Variants in RUNX1 observed in about 807,000 individuals in gnomAD.
RUNX1 encodes the protein runt-related transcription factor 1.
Under a neutral mutation model 42.8 loss-of-function variants are expected in RUNX1, and 19 were observed. The observed-to-expected ratio is 0.44, with a 90% confidence interval of 0.31 to 0.65. The LOEUF (loss-of-function observed/expected upper bound fraction) is 0.65. RUNX1 is among the 30% of genes least tolerant of loss of function. The pLI is 0.07. For missense variants in RUNX1, 528 were observed against 672.0 expected (o/e 0.79, Z 2.37); for synonymous variants, 271 against 289.4 (o/e 0.94, Z 0.64).
intron 2 of RUNX1, among the ~76,000 whole-genome samples, chr21:34,951,595 A>G (rs1444048405): frequency 2.7e-5 from 4 of 150,700 alleles, no homozygotes; most frequent in Middle Eastern, 3.4e-3. Context: ...TTCCCAAAAG[A>G]AATTTATGCA....
At chr21:35,007,456 G>A (rs944608728) in intron 2 of RUNX1, among the ~76,000 whole-genome samples, 19 of 152,166 alleles carry the variant, frequency 1.2e-4, no homozygotes, top group African/African-American at 4.3e-4. Flanking sequence ...CATCCCTGCA[G>A]TTAGCCCTGC....
intron 2 of RUNX1, among the ~76,000 whole-genome samples, chr21:34,949,710 G>A (rs938590484): frequency 6.6e-6 from 1 of 152,232 alleles, no homozygotes; most frequent in African/African-American, 2.4e-5. Context: ...TAAGATTGCC[G>A]TCCTGTCACA....
intron 2 of RUNX1, among the ~76,000 whole-genome samples, chr21:34,937,279 T>C (rs1163934302): frequency 7.2e-6 from 1 of 139,208 alleles, no homozygotes; most frequent in Non-Finnish European, 1.5e-5. Flanking sequence ...AAAACACAGA[T>C]GGACCTGGGA....
intron 2 of RUNX1, among the ~76,000 whole-genome samples, chr21:34,921,137 G>T (rs1266500608): frequency 6.6e-6 from 1 of 152,172 alleles, no homozygotes; most frequent in African/African-American, 2.4e-5. Flanking sequence ...GGGATTACAG[G>T]CATGAGCCAC....
At chr21:34,994,725 T>G (rs1004567801) in intron 2 of RUNX1, among the ~76,000 whole-genome samples, 1 of 152,232 alleles carries the variant, frequency 6.6e-6, no homozygotes, top group Non-Finnish European at 1.5e-5. Context: ...CTTCTTCTAC[T>G]GATGAGGACA....
At chr21:35,046,947 C>T (rs573723033) in intron 2 of RUNX1, among the ~76,000 whole-genome samples, 14 of 152,258 alleles carry the variant, frequency 9.2e-5, no homozygotes, top group East Asian at 1.9e-4. Flanking sequence ...TAGCGCAGGT[C>T]AGCTGAGTGT....
chr21:34,985,742 T>C (rs2058881109), intron 2 of RUNX1, among the ~76,000 whole-genome samples: 1 of 152,134 alleles, frequency 6.6e-6, no homozygotes, highest in South Asian at 2.1e-4. Flanking sequence ...TATTTTATTA[T>C]CCTATATTAT....
At chr21:34,994,196 A>T (rs1569142311) in intron 2 of RUNX1, among the ~76,000 whole-genome samples, 1 of 150,960 alleles carries the variant, frequency 6.6e-6, no homozygotes, top group African/African-American at 2.4e-5. Context: ...ACGGAACCAC[A>T]TTTTTTTTTA....
chr21:34,884,698 T>C (rs1034725443), intron 4 of RUNX1, among the ~76,000 whole-genome samples: 9 of 152,246 alleles, frequency 5.9e-5, no homozygotes, highest in African/African-American at 1.9e-4. Context: ...CTTCTAGTTA[T>C]GCAGTGAGCA....
chr21:35,044,599 T>C (rs1003597844), intron 2 of RUNX1, among the ~76,000 whole-genome samples: 9 of 152,222 alleles, frequency 5.9e-5, no homozygotes, highest in African/African-American at 1.9e-4. Context: ...AGGCCATCAC[T>C]GTGTCATCTG....
At chr21:34,841,729 T>C (rs1455576022) in intron 6 of RUNX1, among the ~76,000 whole-genome samples, 1 of 152,210 alleles carries the variant, frequency 6.6e-6, no homozygotes, top group Admixed American at 6.5e-5. Flanking sequence ...CCTGTGGACC[T>C]GATCCCTCCC....
At chr21:34,972,813 A>G (rs1022176628) in intron 2 of RUNX1, among the ~76,000 whole-genome samples, 5 of 151,240 alleles carry the variant, frequency 3.3e-5, no homozygotes, top group Non-Finnish European at 5.9e-5. Flanking sequence ...TAATAATCCC[A>G]TTGTCCAGTT....
intron 2 of RUNX1, among the ~76,000 whole-genome samples, chr21:35,030,342 C>CA (rs201638831): frequency 0.011 from 1,557 of 138,406 alleles, 22 homozygotes; most frequent in African/African-American, 0.039. Context: ...GACTCTGTCT[C>CA]AAAAAAAAAT....
chr21:35,000,814 T>G (rs1051707844), intron 2 of RUNX1, among the ~76,000 whole-genome samples: 1 of 152,224 alleles, frequency 6.6e-6, no homozygotes, highest in Non-Finnish European at 1.5e-5. Context: ...AAAATGGGAA[T>G]GGAAGTCACT....
chr21:34,933,407 G>T (rs2058462367), intron 2 of RUNX1, among the ~76,000 whole-genome samples: 1 of 152,114 alleles, frequency 6.6e-6, no homozygotes, highest in South Asian at 2.1e-4. Flanking sequence ...ATTTTCCATT[G>T]AATCTAAGTT....
intron 5 of RUNX1, among the ~76,000 whole-genome samples, chr21:34,864,377 T>C (rs1029123416): frequency 6.6e-6 from 1 of 152,178 alleles, no homozygotes; most frequent in African/African-American, 2.4e-5. Context: ...GGAGGGCAGG[T>C]TGGCTAAATA....
At position 34,792,228 on chromosome 21, in the gene RUNX1, G is replaced by A. The variant is rs2145872972; in HGVS notation, c.1350C>T (p.Ser450=). Residue 450 remains serine (S), a synonymous_variant, in exon 9 of 9, where the codon AGC becomes AGT. Coordinates refer to ENST00000675419, the MANE Select transcript of RUNX1 (RefSeq NM_001754.5). This position sits in a 1 kb window ranked among gnomAD's most constrained non-coding sequence, Gnocchi z 6.9. ...ALLNPSLPNQ[S]DVVEAEGSHS... The stretch of plus-strand genomic sequence containing the variant: ...GGCTGCCCTCGGCCTCCACCACGTC[G>A]CTCTGGTTCGGGAGGCTGGGGTTGA... 2 of 1,540,352 alleles carry A rather than the reference G, an allele frequency of 1.3e-6. No individual in the cohort carries two copies. The highest frequency in any genetic ancestry group is 1.7e-6 in the Non-Finnish European group (2 of 1,149,070).
intron 2 of RUNX1, among the ~76,000 whole-genome samples, chr21:34,992,817 G>A (rs942007953): frequency 2.0e-5 from 3 of 152,152 alleles, no homozygotes; most frequent in Non-Finnish European, 2.9e-5. Context: ...GCCAGTCCTC[G>A]AGCTGGCCTG....
chr21:35,004,589 C>A (rs750454558), intron 2 of RUNX1, among the ~76,000 whole-genome samples: 17 of 152,180 alleles, frequency 1.1e-4, no homozygotes, highest in African/African-American at 2.2e-4. Context: ...GTTTTTATCA[C>A]CCCGTCCATT....
Sources: allele counts gnomAD v4.1 joint callset (sites outside exome capture counted in the v4.1 genomes callset), GRCh38; gene constraint gnomAD v4.1.1; non-coding constraint Gnocchi (gnomAD v3.1); transcripts MANE v1.5; gene names NCBI Gene and HGNC (gene_info 2026-07-23, HGNC 2026-07-21).